DNAH6: variants seen among roughly 807,000 people sequenced by gnomAD.
DNAH6 encodes dynein axonemal heavy chain 6.
DNAH6 carries 340 observed loss-of-function variants against 491.4 expected under a neutral mutation model. That is an observed-to-expected ratio of 0.69 (90% CI 0.63 to 0.76). The LOEUF (loss-of-function observed/expected upper bound fraction) is 0.76. Among genes scored for constraint, DNAH6 ranks in the 30% least tolerant of loss-of-function variants. The pLI, the probability that DNAH6 is intolerant of heterozygous loss-of-function variation, is 0.00. For synonymous variants in DNAH6, 1,603 were observed against 1,686.1 expected, an observed-to-expected ratio of 0.95 and a Z score of 1.21; for missense variants, 4,443 against 4,972.2, an observed-to-expected ratio of 0.89 and a Z score of 3.20.
At chr2:84,465,741 C>T in the DNAH6 span, among the ~76,000 whole-genome samples, 3 of 152,156 alleles carry the variant, frequency 2.0e-5, no homozygotes, top group African/African-American at 7.2e-5. Flanking sequence ...ACCCAACCCT[C>T]TTGTTTCTTC....
intron 63 of DNAH6, among the ~76,000 whole-genome samples, chr2:84,754,864 C>G (rs1490698523): frequency 6.6e-6 from 1 of 152,178 alleles, no homozygotes; most frequent in Non-Finnish European, 1.5e-5. Flanking sequence ...ACCTGAAGAT[C>G]AATTTGGGGA....
the DNAH6 span, among the ~76,000 whole-genome samples, chr2:84,487,713 G>C: frequency 5.3e-5 from 8 of 152,332 alleles, no homozygotes; most frequent in African/African-American, 1.4e-4. Context: ...CCGTAATGAA[G>C]CACAGCTTGA....
chr2:84,569,779 A>G (rs1018349435), intron 11 of DNAH6, among the ~76,000 whole-genome samples: 1 of 152,212 alleles, frequency 6.6e-6, no homozygotes, highest in African/African-American at 2.4e-5. Context: ...ATAAATAAAT[A>G]TATTGTGAAT....
intron 59 of DNAH6, 54 bp from the exon 60 acceptor site, chr2:84,722,571 C>T: frequency 1.4e-6 from 2 of 1,385,936 alleles, no homozygotes; most frequent in Admixed American, 2.6e-5. Context: ...TCCAGAAGTC[C>T]CACTATTTTT....
At position 84,585,592 on chromosome 2, in the gene DNAH6, C is replaced by G. The variant is rs942406493; in HGVS notation, c.2481+1342C>G. Among the ~76,000 whole-genome samples the G allele has an allele frequency of 2.0e-5, 3 of 152,048 alleles. 1 individual carries two copies. The highest frequency in any genetic ancestry group is 2.9e-5 in the Non-Finnish European group (2 of 67,984). ...AGGTTGTCCCATCATCTCTGCAGCT[C>G]TCAGCAGAGAGGAGGCCTGGAGAGG... On this transcript the variant is annotated intron_variant, in intron 15 of 76. Transcript: ENST00000389394.
intron 4 of DNAH6, among the ~76,000 whole-genome samples, chr2:84,536,029 T>A (rs1438149953): frequency 6.6e-6 from 1 of 152,038 alleles, no homozygotes; most frequent in Non-Finnish European, 1.5e-5. Flanking sequence ...GACTTCCATA[T>A]GTAAATGGTT....
In DNAH6 at chr2:84,762,724, A is replaced by G. The variant is rs946795377; in HGVS notation, c.10513-31A>G. 5.4e-6 allele frequency: 8 copies of G among 1,480,558 alleles called. No individual in the cohort carries two copies. In the African/African-American group the frequency reaches 1.1e-4, roughly 21 times the overall value. 91.7% of individuals were successfully genotyped at this position (1,480,558 alleles called of 1,614,324 possible). A position where few individuals can be genotyped will look rare whatever the true frequency, so the allele number is the denominator to read the frequency against. Reference sequence around the variant, plus strand: ...ATAAAATTATGAAGGATCCTCATTCAACATACTTTTTTTTTCTTTTCAACT... The same window carrying G: ...ATAAAATTATGAAGGATCCTCATTCGACATACTTTTTTTTTCTTTTCAACT... On this transcript the variant is annotated intron_variant, in intron 63 of 76. Coordinates refer to ENST00000389394, the MANE Select transcript of DNAH6 (RefSeq NM_001370.2).
At chr2:84,510,555 A>T in the DNAH6 span, among the ~76,000 whole-genome samples, 20 of 151,716 alleles carry the variant, frequency 1.3e-4, no homozygotes, top group African/African-American at 4.8e-4. Flanking sequence ...TGATCGTCTG[A>T]AGCCTTCTTC....
intron 62 of DNAH6, among the ~76,000 whole-genome samples, chr2:84,736,704 G>A (rs1376146408): frequency 3.3e-5 from 5 of 152,196 alleles, no homozygotes; most frequent in South Asian, 4.1e-4. Flanking sequence ...CTTTGTTGAA[G>A]TCATTTATCA....
intron 45 of DNAH6, among the ~76,000 whole-genome samples, chr2:84,691,270 T>C (rs980239132): frequency 6.6e-6 from 1 of 152,210 alleles, no homozygotes; most frequent in Non-Finnish European, 1.5e-5. Flanking sequence ...CTATAAATAA[T>C]AATGTACATG....
intron 63 of DNAH6, chr2:84,750,721 A>T (rs1252127323): frequency 6.6e-6 from 1 of 152,114 alleles, no homozygotes; most frequent in Non-Finnish European, 1.5e-5. Flanking sequence ...ATAGTAAAAA[A>T]ATATTTTGAC....
Position 84,681,596 on chromosome 2 carries a change from C to T in DNAH6, c.6916+68C>T, listed in dbSNP as rs1322926715. The T allele has an allele frequency of 2.2e-6, 3 of 1,378,298 alleles. No homozygotes were observed. In the East Asian group the frequency reaches 8.0e-5, roughly 37 times the overall value. 85.4% of individuals were successfully genotyped at this position (1,378,298 alleles called of 1,614,324 possible). Reference sequence around the variant, plus strand: ...CTTTTCCATTGGCCCCCAAATATCTCAGTAACATTGTATGTATGCAGGTGT... The same window carrying T: ...CTTTTCCATTGGCCCCCAAATATCTTAGTAACATTGTATGTATGCAGGTGT... On this transcript the variant is annotated intron_variant, in intron 42 of 76. Transcript: ENST00000389394.
chr2:84,569,907 A>G (rs1214426168), intron 11 of DNAH6, among the ~76,000 whole-genome samples: 1 of 152,130 alleles, frequency 6.6e-6, no homozygotes, highest in Non-Finnish European at 1.5e-5. Flanking sequence ...ATTTTAATTG[A>G]TCTGTGGAAA....
At chr2:84,565,680 C>T (rs192567534) in intron 11 of DNAH6, among the ~76,000 whole-genome samples, 3 of 151,878 alleles carry the variant, frequency 2.0e-5, no homozygotes, top group South Asian at 2.1e-4. Flanking sequence ...TGTTAGTGGG[C>T]GTGTTCAAGT....
chr2:84,609,664 A>G (rs779276503), intron 21 of DNAH6, among the ~76,000 whole-genome samples: 1 of 140,036 alleles, frequency 7.1e-6, no homozygotes, highest in Non-Finnish European at 1.6e-5. Flanking sequence ...AGATCACCAT[A>G]ACAGATATAA....
chr2:84,532,802 A>G (rs1339741367), intron 4 of DNAH6, among the ~76,000 whole-genome samples: 25 of 152,166 alleles, frequency 1.6e-4, no homozygotes, highest in Non-Finnish European at 2.9e-5. Flanking sequence ...TTTAAAAATG[A>G]TATGTCATGC....
At chr2:84,524,030 A>C (rs1676380565) in intron 2 of DNAH6, among the ~76,000 whole-genome samples, 1 of 151,922 alleles carries the variant, frequency 6.6e-6, no homozygotes, top group Non-Finnish European at 1.5e-5. Flanking sequence ...TGATCTGTCT[A>C]ATACTGTCAA....
Position 84,669,375 on chromosome 2 carries a change from C to G in DNAH6, c.6171C>G (p.Phe2057Leu), listed in dbSNP as rs1378030743. The G allele has an allele frequency of 6.4e-7, 1 of 1,551,944 alleles. No individual in the cohort carries two copies. Among genetic ancestry groups the G allele is most frequent in the Non-Finnish European group, 8.7e-7 (1 of 1,147,012 alleles). ...CCTGGGAACGAATCATACCTACTTTCAAATACAACCGAGATGTTCCATTTT... is the reference window on the plus strand; with the variant it reads ...CCTGGGAACGAATCATACCTACTTTGAAATACAACCGAGATGTTCCATTTT... ...LDPWERIIPT[F>L]KYNRDVPFFE... The change falls in exon 38 of 77, where the codon TTC becomes TTG. Residue 2057 changes from phenylalanine to leucine, a missense_variant. Coordinates refer to ENST00000389394, the MANE Select transcript of DNAH6 (RefSeq NM_001370.2).
chr2:84,779,542 A>G (rs1676472407), intron 64 of DNAH6, among the ~76,000 whole-genome samples: 1 of 152,158 alleles, frequency 6.6e-6, no homozygotes, highest in Admixed American at 6.5e-5. Context: ...TTGCATGACA[A>G]ATGGGTCTCT....
Sources: gnomAD v4.1 joint callset for allele counts (sites outside exome capture counted in the v4.1 genomes callset) on GRCh38, gnomAD v4.1.1 for gene constraint, MANE v1.5 for transcripts, NCBI Gene and HGNC (gene_info 2026-07-23, HGNC 2026-07-21) for gene names.